Variants in BOP1 observed in about 807,000 individuals in gnomAD.
BOP1 encodes ribosome biogenesis protein BOP1.
A neutral mutation model predicts 82.9 loss-of-function variants in BOP1; 54 were observed. The observed-to-expected ratio is 0.65, with a 90% CI of 0.52 to 0.82. The LOEUF is 0.82. BOP1 is among the 40% of genes least tolerant of loss of function. The pLI is 0.00. For missense variants in BOP1, 1,170 were observed against 1,072.0 expected (o/e 1.09, Z -1.28); for synonymous variants, 566 against 451.1 (o/e 1.25, Z -3.23).
Position 144,264,504 on chromosome 8 carries a change from G to A in BOP1, c.765+11C>T, listed in dbSNP as rs926160758. 162 of 1,609,104 alleles carry A rather than the reference G, an allele frequency of 1.0e-4. No individual in the cohort carries two copies. The African/African-American group carries it at 1.8e-3, about 18-fold the overall frequency. ...CAGCCCAGGCCAAGCCCCAGGGGCT[G>A]TGTGCCCCACCTTCTCCTTCTCCAC... On this transcript the variant is annotated intron_variant, in intron 6 of 15. Coordinates refer to ENST00000569669, the MANE Select transcript of BOP1 (RefSeq NM_015201.5).
At chr8:144,283,978 G>A (rs922004040) in intron 2 of BOP1, among the ~76,000 whole-genome samples, 4 of 152,204 alleles carry the variant, frequency 2.6e-5, no homozygotes, top group Non-Finnish European at 5.9e-5. Flanking sequence ...TTAGCCGGGC[G>A]TGATGACGGG....
At position 144,263,539 on chromosome 8, in the gene BOP1, C is replaced by A. The variant is rs1588587612; in HGVS notation, c.1363G>T (p.Gly455Cys). ...TTCCAGGCCACACTCTTCACCACGC[C>A]CCCCACGGGAACAGTCCTCACACAG... ...ARCVRTVPVG[G>C]VVKSVAWNPS... The change falls in exon 11 of 16, where the codon GGC (glycine) becomes TGC (cysteine). Residue 455 changes from glycine to cysteine, a missense_variant. Gly to Cys is a radical substitution (Grantham distance 159). Coordinates refer to ENST00000569669, the MANE Select transcript of BOP1 (RefSeq NM_015201.5). 6.2e-7 allele frequency: 1 copy of A among 1,600,472 alleles called. No individual in the cohort carries two copies.
Position 144,262,908 on chromosome 8 carries a change from G to T in BOP1, c.1839C>A (p.Thr613=). The change falls in exon 13 of 16, where the codon ACC becomes ACA. Residue 613 remains threonine, a synonymous_variant. Coordinates refer to ENST00000569669, the MANE Select transcript of BOP1 (RefSeq NM_015201.5). ...RLYHLLRQEL[T]KKLMPNCKWV... is the part of the protein sequence containing the mutation. The stretch of plus-strand genomic sequence containing the variant: ...ACTTGCAGTTGGGCATCAGCTTCTT[G>T]GTGAGCTCCTGGCGCAGCAGGTGGT... The T allele has an allele frequency of 6.4e-7, 1 of 1,551,168 alleles. No homozygotes were observed. The highest frequency in any genetic ancestry group is 1.9e-5 in the Admixed American group (1 of 53,186).
chr8:144,266,492 C>A (rs1174974743), intron 3 of BOP1: 23 of 986,658 alleles, frequency 2.3e-5, no homozygotes, highest in Non-Finnish European at 2.8e-5. Context: ...CCGGCAGCTG[C>A]CACCGCGGGG....
rs782011015 is a variant in BOP1 at position 144,289,215 on chromosome 8, C to T, written c.189G>A (p.Leu63=). 2 of 1,614,096 alleles carry T rather than the reference C, an allele frequency of 1.2e-6. No homozygotes were observed. The highest frequency in any genetic ancestry group is 3.3e-5 in the Admixed American group (2 of 60,032). The stretch of plus-strand genomic sequence containing the variant: ...CACTGCTGTCACTGCCGGAATCTTC[C>T]AGGCCTGAGAACACACTTTCCTCGC... ...SDSEESVFSG[L]EDSGSDSSED... is the part of the protein sequence containing the mutation. Residue 63 remains leucine, a synonymous_variant, in exon 2 of 16, where the codon CTG becomes CTA. Transcript: ENST00000569669.
intron 2 of BOP1, among the ~76,000 whole-genome samples, chr8:144,277,286 T>C (rs961335555): frequency 1.4e-4 from 22 of 152,146 alleles, no homozygotes; most frequent in African/African-American, 5.3e-4. Flanking sequence ...AGGATTCAGT[T>C]TCCACGTCTC....
Position 144,264,789 on chromosome 8 carries a change from C to T in BOP1, c.588G>A (p.Leu196=). ...GCACCAGGGCCACCTGCTCATCCGT[C>T]AGTCTCAGGTCCCGCCCTGTCATCG... ...QDPMTGRDLR[L]TDEQVALVRR... The change falls in exon 5 of 16, where the codon CTG becomes CTA. Residue 196 remains leucine, a synonymous_variant. Transcript: ENST00000569669. The T allele has an allele frequency of 1.2e-6, 2 of 1,609,010 alleles. No homozygotes were observed. The highest frequency in any genetic ancestry group is 1.7e-6 in the Non-Finnish European group (2 of 1,178,812).
chr8:144,282,635 CCA>C (rs2130257179), intron 2 of BOP1, among the ~76,000 whole-genome samples: 1 of 152,094 alleles, frequency 6.6e-6, no homozygotes, highest in East Asian at 1.9e-4. Context: ...CTGCCGTGGC[CCA>C]CAGATACCCC....
chr8:144,287,305 C>T lies in BOP1; in HGVS notation c.309+1790G>A, dbSNP rs529683307. ...GATTACAGGCGTGAGCCACCACGCC[C>T]GCTGAAAGAATTTAATAAAAAAATC... On this transcript the variant is annotated intron_variant, in intron 2 of 15. Transcript: ENST00000569669. Among the ~76,000 whole-genome samples the T allele has an allele frequency of 4.5e-4, 68 of 152,102 alleles. No homozygotes were observed. The South Asian group carries it at 0.014, about 32-fold the overall frequency.
rs782745743 is a variant in BOP1 at position 144,289,081 on chromosome 8, C to CT, written c.309+13_309+14insA. 1.9e-6 allele frequency: 3 copies of CT among 1,613,820 alleles called. No homozygotes were observed. The East Asian group carries it at 6.7e-5, about 36-fold the overall frequency. Reference sequence around the variant, plus strand: ...ATGGGGGACAGCCCTCGAGGGGGCTCCTCGCTCACCCACCTGCACCTGCTC... The same window carrying CT: ...ATGGGGGACAGCCCTCGAGGGGGCTCTCTCGCTCACCCACCTGCACCTGCTC... On this transcript the variant is annotated intron_variant, in intron 2 of 15. Coordinates refer to ENST00000569669, the MANE Select transcript of BOP1 (RefSeq NM_015201.5).
chr8:144,276,267 G>A lies in BOP1; in HGVS notation c.347C>T (p.Ala116Val). 6.2e-7 allele frequency: 1 copy of A among 1,613,644 alleles called. No individual in the cohort carries two copies. Among genetic ancestry groups the A allele is most frequent in the African/African-American group, 1.3e-5 (1 of 75,038 alleles). Reference sequence around the variant, plus strand: ...CTCCGCATACTCATCCCCAATCCGGGCGCTCGCCATCTCTGTCCTCGGGCA... The same window carrying A: ...CTCCGCATACTCATCCCCAATCCGGACGCTCGCCATCTCTGTCCTCGGGCA... ...TPCPRTEMAS[A>V]RIGDEYAEDS... is the part of the protein sequence containing the mutation. Residue 116 changes from alanine to valine, a missense_variant, in exon 3 of 16, where the codon GCC becomes GTC. Ala to Val is a moderately conservative substitution (Grantham distance 64). Transcript: ENST00000569669.
chr8:144,278,200 CG>C (rs1208346758), intron 2 of BOP1, among the ~76,000 whole-genome samples: 1 of 152,154 alleles, frequency 6.6e-6, no homozygotes, highest in African/African-American at 2.4e-5. Context: ...TCTGAAGGAC[CG>C]ACGGGTGGGC....
At chr8:144,268,930 GTGC>G (rs1349543037) in intron 3 of BOP1, among the ~76,000 whole-genome samples, 4 of 145,026 alleles carry the variant, frequency 2.8e-5, no homozygotes, top group Non-Finnish European at 6.2e-5. Context: ...GGAGCGAGCT[GTGC>G]TGCCCAGCGG....
chr8:144,277,804 C>G (rs919109679), intron 2 of BOP1, among the ~76,000 whole-genome samples: 1 of 146,204 alleles, frequency 6.8e-6, no homozygotes, highest in African/African-American at 2.7e-5. Context: ...AGGGGCGGTG[C>G]GGGCAGGGGC....
At position 144,264,557 on chromosome 8, in the gene BOP1, G is replaced by A. The variant is rs1486044852; in HGVS notation, c.723C>T (p.Ala241=). 2.5e-5 allele frequency: 40 copies of A among 1,609,764 alleles called. No homozygotes were observed. Among genetic ancestry groups the A allele is most frequent in the East Asian group, 6.7e-5 (3 of 44,846 alleles). ...VMIHPVTNRP[A]DKRSFIPSLV... ...GGGAGGGGATGAAGCTGCGCTTGTC[G>A]GCCGGGCGGTTGGTCACCGGGTGGA... The change falls in exon 6 of 16, where the codon GCC becomes GCT. Residue 241 remains alanine (A), a synonymous_variant. Coordinates refer to ENST00000569669, the MANE Select transcript of BOP1 (RefSeq NM_015201.5).
intron 3 of BOP1, 70 bp from the exon 4 acceptor site, chr8:144,265,141 G>C: frequency 1.9e-6 from 3 of 1,558,008 alleles, no homozygotes; most frequent in South Asian, 2.4e-5. Flanking sequence ...CCGCCCAGGG[G>C]AGCAGGTGAG....
chr8:144,270,566 G>T (rs972300514), intron 3 of BOP1, among the ~76,000 whole-genome samples: 1 of 152,090 alleles, frequency 6.6e-6, no homozygotes, highest in African/African-American at 2.4e-5. Flanking sequence ...CCGAGGGCCC[G>T]GCCCGCCAGC....
rs984489573 is a variant in BOP1 at position 144,264,854 on chromosome 8, C to T, written c.546-23G>A. On this transcript the variant is annotated intron_variant, in intron 4 of 15. Transcript: ENST00000569669. ...CGCCTGGAGACCGCCAGTCAGACCC[C>T]GCCAGCCCTGCCCCACCCCTCGGGC... 9 of 1,608,532 alleles carry T rather than the reference C, an allele frequency of 5.6e-6. No individual in the cohort carries two copies. The Admixed American group carries it at 8.3e-5, about 15-fold the overall frequency.
chr8:144,276,078 C>T (rs2130239097), intron 3 of BOP1, 146 bp downstream of exon 3: 1 of 890,494 alleles, frequency 1.1e-6, no homozygotes, highest in Non-Finnish European at 1.8e-6. Flanking sequence ...AGCAGGACGC[C>T]CACGTGGGCC....
Sources: gnomAD v4.1 joint callset for allele counts (sites outside exome capture counted in the v4.1 genomes callset) on GRCh38, gnomAD v4.1.1 for gene constraint, MANE v1.5 for transcripts, NCBI Gene and HGNC (gene_info 2026-07-23, HGNC 2026-07-21) for gene names.